The following FAXDC2 variants were observed in gnomAD, a reference collection of about 807,000 sequenced individuals.
FAXDC2 encodes fatty acid hydroxylase domain-containing protein 2.
A neutral mutation model predicts 40.9 loss-of-function variants in FAXDC2; 41 were observed. That is an observed-to-expected ratio of 1.00 (90% CI 0.78 to 1.30). FAXDC2 has a LOEUF of 1.30. Ranked by LOEUF, FAXDC2 falls within the 50% of genes most tolerant of loss-of-function variation. The pLI, the probability that FAXDC2 is intolerant of heterozygous loss-of-function variation, is 0.00. For synonymous variants in FAXDC2, 157 were observed against 149.3 expected (o/e 1.05, Z -0.38); for missense variants, 390 against 408.8 (o/e 0.95, Z 0.40).
At chr5:154,820,538 T>G in intron 8 of FAXDC2, 66 bp from the exon 9 acceptor site, 1 of 1,372,272 alleles carries the variant, frequency 7.3e-7, no homozygotes, top group Non-Finnish European at 1.0e-6. Context: ...CCATTTCATT[T>G]GTGCCAGCCT....
chr5:154,836,484 C>T (rs1229317490), intron 2 of FAXDC2, among the ~76,000 whole-genome samples: 2 of 152,140 alleles, frequency 1.3e-5, no homozygotes, highest in African/African-American at 2.4e-5. Context: ...ACTCATATCC[C>T]GTTTCTAAAC....
rs768886460 is a variant in FAXDC2 at position 154,830,873 on chromosome 5, T to C, written c.294A>G (p.Leu98=). The change falls in exon 5 of 9, where the codon CTA becomes CTG. Residue 98 remains leucine, a synonymous_variant. Transcript: ENST00000326080. ...CLFFWSFNGL[L]LVVDTTGKPN... ...GTTTTCCTGTTGTGTCAACCACCAATAGAAGCCCATTGAAGCTCCAGAAGA... is the reference window on the plus strand; with the variant it reads ...GTTTTCCTGTTGTGTCAACCACCAACAGAAGCCCATTGAAGCTCCAGAAGA... 1.1e-5 allele frequency: 18 copies of C among 1,614,096 alleles called. No individual in the cohort carries two copies. The highest frequency in any genetic ancestry group is 4.4e-5 in the South Asian group (4 of 91,068).
At chr5:154,822,316 A>C in intron 7 of FAXDC2, 156 bp downstream of exon 7, 1 of 651,012 alleles carries the variant, frequency 1.5e-6, no homozygotes, top group Non-Finnish European at 2.7e-6. Flanking sequence ...TTAGCACTTA[A>C]CATAGCCTGG....
At chr5:154,837,218 T>A (rs569474811) in intron 2 of FAXDC2, among the ~76,000 whole-genome samples, 236 of 150,422 alleles carry the variant, frequency 1.6e-3, no homozygotes, top group African/African-American at 5.4e-3. Context: ...GTGCACACAC[T>A]CTCTCTCTCT....
intron 1 of FAXDC2, among the ~76,000 whole-genome samples, chr5:154,847,064 G>A (rs538841342): frequency 6.6e-6 from 1 of 151,870 alleles, no homozygotes. Flanking sequence ...TCTATGCTCA[G>A]GTGATCCTCC....
At chr5:154,825,628 G>T (rs1230958720) in intron 5 of FAXDC2, among the ~76,000 whole-genome samples, 1 of 58,534 alleles carries the variant, frequency 1.7e-5, no homozygotes, top group Non-Finnish European at 3.6e-5. Context: ...TCCAGCCTGG[G>T]TGACAGAGTG....
chr5:154,831,189 A>G, intron 4 of FAXDC2: 1 of 350,468 alleles, frequency 2.9e-6, no homozygotes, highest in South Asian at 3.9e-5. Context: ...ATATGAAAGT[A>G]TGTTAAGATA....
intron 1 of FAXDC2, among the ~76,000 whole-genome samples, chr5:154,849,230 A>C (rs1038097907): frequency 1.3e-5 from 2 of 152,168 alleles, no homozygotes; most frequent in African/African-American, 4.8e-5. Flanking sequence ...CAGTGAGCTG[A>C]AATCGCGCCA....
chr5:154,849,629 A>G (rs2113179331), intron 1 of FAXDC2, among the ~76,000 whole-genome samples: 1 of 152,338 alleles, frequency 6.6e-6, no homozygotes, highest in African/African-American at 2.4e-5. Context: ...TGTGCTAATT[A>G]CTTTCGTAAC....
chr5:154,845,131 C>T (rs1247350313), intron 1 of FAXDC2, among the ~76,000 whole-genome samples: 2 of 152,216 alleles, frequency 1.3e-5, no homozygotes, highest in Non-Finnish European at 2.9e-5. Flanking sequence ...TATCTAGGTA[C>T]TGAGTCCTCC....
At chr5:154,838,331 T>C (rs1582535777) in intron 1 of FAXDC2, 153 bp from the exon 2 acceptor site, 2 of 179,646 alleles carry the variant, frequency 1.1e-5, no homozygotes, top group Non-Finnish European at 2.1e-5. Flanking sequence ...ACAAATTGAT[T>C]TGAAAACTTA....
Position 154,820,460 on chromosome 5 carries a change from G to A in FAXDC2, c.858C>T (p.Cys286=). The A allele has an allele frequency of 6.2e-7, 1 of 1,611,304 alleles. No homozygotes were observed. Among genetic ancestry groups the A allele is most frequent in the Non-Finnish European group, 8.5e-7 (1 of 1,178,648 alleles). ...GGTCCAGCACACCCAGCACCCCATA[G>A]CACTGGTTGAACCTAGAAGAGAGAG... ...HDYHHLKFNQ[C]YGVLGVLDHL... Residue 286 remains cysteine, a synonymous_variant, in exon 9 of 9, where the codon TGC becomes TGT. Coordinates refer to ENST00000326080, the MANE Select transcript of FAXDC2 (RefSeq NM_032385.5).
intron 5 of FAXDC2, 87 bp from the exon 6 acceptor site, chr5:154,823,679 G>T (rs1759946120): frequency 1.8e-6 from 2 of 1,111,986 alleles, no homozygotes; most frequent in Non-Finnish European, 2.7e-6. Context: ...CCTCACTCTG[G>T]TTGGATTCTG....
Position 154,847,483 on chromosome 5 carries a change from C to T in FAXDC2, c.-1+3000G>A, listed in dbSNP as rs1220711681. Among the ~76,000 whole-genome samples, 6 of 144,646 alleles carry T rather than the reference C, an allele frequency of 4.1e-5. No homozygotes were observed. The South Asian group carries it at 1.3e-3, about 32-fold the overall frequency. 94.9% of individuals were successfully genotyped at this position (144,646 alleles called of 152,430 possible). A position where few individuals can be genotyped will look rare whatever the true frequency, so the allele number is the denominator to read the frequency against. ...TTCAGATTTTCTTTTTTCTTTCTTT[C>T]TTTCTTTTTTTTTTTTTTTTTGAGA... On this transcript the variant is annotated intron_variant, in intron 1 of 8. Coordinates refer to ENST00000326080, the MANE Select transcript of FAXDC2 (RefSeq NM_032385.5).
intron 1 of FAXDC2, among the ~76,000 whole-genome samples, chr5:154,846,934 G>GT (rs199873815): frequency 4.0e-4 from 58 of 143,498 alleles, no homozygotes; most frequent in Middle Eastern, 7.2e-3. Context: ...TTTTTTGTTT[G>GT]TTTTTTTTTT....
At chr5:154,829,253 A>T (rs1412812487) in intron 5 of FAXDC2, among the ~76,000 whole-genome samples, 1 of 152,088 alleles carries the variant, frequency 6.6e-6, no homozygotes. Flanking sequence ...TTAGGGGAGG[A>T]GGTGTGAACT....
At chr5:154,826,891 A>G (rs1309733186) in intron 5 of FAXDC2, among the ~76,000 whole-genome samples, 1 of 152,232 alleles carries the variant, frequency 6.6e-6, no homozygotes, top group Non-Finnish European at 1.5e-5. Context: ...TTATATATAA[A>G]GCAAAAATAT....
intron 2 of FAXDC2, among the ~76,000 whole-genome samples, chr5:154,836,921 T>C (rs902872491): frequency 6.6e-6 from 1 of 152,162 alleles, no homozygotes; most frequent in Non-Finnish European, 1.5e-5. Context: ...GTGATCTGCC[T>C]GTCTCAGCAT....
At chr5:154,831,351 A>G (rs1760184334) in intron 4 of FAXDC2, 1 of 155,936 alleles carries the variant, frequency 6.4e-6, no homozygotes, top group Non-Finnish European at 1.4e-5. Context: ...GTCAGTCAGG[A>G]AACTTAATCC....
Sources: gnomAD v4.1 joint callset for allele counts (sites outside exome capture counted in the v4.1 genomes callset) on GRCh38, gnomAD v4.1.1 for gene constraint, MANE v1.5 for transcripts, NCBI Gene and HGNC (gene_info 2026-07-23, HGNC 2026-07-21) for gene names.